Variants in FARSB observed in about 807,000 individuals in gnomAD.
The protein encoded by FARSB is phenylalanine--tRNA ligase beta subunit.
A neutral mutation model predicts 69.6 loss-of-function variants in FARSB; 40 were observed. The observed-to-expected ratio is 0.57, with a 90% CI of 0.45 to 0.75. FARSB has a LOEUF of 0.75. FARSB is among the 30% of genes least tolerant of loss of function. The pLI is 0.00. For missense variants in FARSB, 632 were observed against 722.9 expected (o/e 0.87, Z 1.44); for synonymous variants, 235 against 247.2 (o/e 0.95, Z 0.46).
intron 16 of FARSB, among the ~76,000 whole-genome samples, chr2:222,584,954 G>A (rs1332735098): frequency 1.3e-5 from 2 of 152,248 alleles, no homozygotes; most frequent in Admixed American, 6.5e-5. Context: ...AACTTCTGCA[G>A]ACTTAAACTT....
At chr2:222,647,202 A>G (rs1469068863) in intron 2 of FARSB, among the ~76,000 whole-genome samples, 1 of 152,212 alleles carries the variant, frequency 6.6e-6, no homozygotes, top group African/African-American at 2.4e-5. Flanking sequence ...GGACATAATG[A>G]TGCAGGAGAG....
At chr2:222,628,785 A>G in intron 10 of FARSB, 52 bp downstream of exon 10, 2 of 1,240,136 alleles carry the variant, frequency 1.6e-6, no homozygotes, top group South Asian at 2.5e-5. Context: ...CTCTATAGCC[A>G]TTATTATTAG....
At chr2:222,598,944 A>T (rs1038733391) in intron 16 of FARSB, among the ~76,000 whole-genome samples, 3 of 70,526 alleles carry the variant, frequency 4.3e-5, no homozygotes, top group Admixed American at 1.4e-4. Context: ...ATTTATTTAA[A>T]AAAAAAAAAA....
At chr2:222,645,704 T>C (rs1691835411) in intron 2 of FARSB, among the ~76,000 whole-genome samples, 1 of 152,034 alleles carries the variant, frequency 6.6e-6, no homozygotes, top group South Asian at 2.1e-4. Context: ...TTCAGTAATA[T>C]ATTTTTCAAG....
intron 13 of FARSB, among the ~76,000 whole-genome samples, chr2:222,622,219 G>A (rs1216146661): frequency 6.6e-5 from 10 of 152,176 alleles, no homozygotes; most frequent in African/African-American, 2.2e-4. Flanking sequence ...GTCAAGACTC[G>A]GCCTCTGTGC....
chr2:222,615,083 T>C (rs754314630), intron 14 of FARSB, among the ~76,000 whole-genome samples: 18 of 152,160 alleles, frequency 1.2e-4, no homozygotes, highest in Non-Finnish European at 2.6e-4. Context: ...AAGAAATGCA[T>C]ACCCTGGTAC....
At chr2:222,623,386 TC>T (rs1691188240) in intron 13 of FARSB, among the ~76,000 whole-genome samples, 1 of 152,194 alleles carries the variant, frequency 6.6e-6, no homozygotes, top group African/African-American at 2.4e-5. Context: ...CTCTCAACAC[TC>T]ACATGAAACT....
chr2:222,611,300 GT>G (rs1249678161), intron 15 of FARSB, among the ~76,000 whole-genome samples: 18 of 152,106 alleles, frequency 1.2e-4, no homozygotes, highest in African/African-American at 4.3e-4. Context: ...TATAGAAGAG[GT>G]TTCCTACAGA....
rs181545358 is a variant in FARSB at position 222,573,839 on chromosome 2, G to A, written c.1619-1817C>T. On this transcript the variant is annotated intron_variant, in intron 16 of 16. Coordinates refer to ENST00000281828, the MANE Select transcript of FARSB (RefSeq NM_005687.5). Reference sequence around the variant, plus strand: ...TTTTATCTTATTAATAGATTCAACGGGTACGTGTTCAAGTTTGTTACCTGG... The same window carrying A: ...TTTTATCTTATTAATAGATTCAACGAGTACGTGTTCAAGTTTGTTACCTGG... Among the ~76,000 whole-genome samples, 380 of 152,212 alleles carry A rather than the reference G, an allele frequency of 2.5e-3. 2 individuals carry two copies. Among genetic ancestry groups the A allele is most frequent in the Middle Eastern group, 0.017 (5 of 292 alleles).
At chr2:222,619,779 T>C (rs766692912) in intron 13 of FARSB, 42 bp from the exon 14 acceptor site, 3 of 1,081,024 alleles carry the variant, frequency 2.8e-6, no homozygotes, top group Non-Finnish European at 4.3e-6. Context: ...GAAAAGCAAT[T>C]ACTTAAGTTT....
chr2:222,636,900 C>A (rs891846011), intron 5 of FARSB, among the ~76,000 whole-genome samples: 11 of 152,164 alleles, frequency 7.2e-5, no homozygotes, highest in Admixed American at 2.6e-4. Flanking sequence ...TTACTCCAGA[C>A]AAAACTAGTC....
intron 16 of FARSB, among the ~76,000 whole-genome samples, chr2:222,577,051 T>C (rs1689856732): frequency 1.3e-5 from 2 of 152,086 alleles, no homozygotes; most frequent in African/African-American, 4.8e-5. Flanking sequence ...GGGAAAACGG[T>C]ACAATGTAGG....
intron 16 of FARSB, among the ~76,000 whole-genome samples, chr2:222,579,697 G>T (rs1335064151): frequency 6.6e-6 from 1 of 152,032 alleles, no homozygotes; most frequent in Non-Finnish European, 1.5e-5. Flanking sequence ...CTTAATATAT[G>T]AAAAAAATAG....
intron 15 of FARSB, among the ~76,000 whole-genome samples, chr2:222,604,229 A>G (rs1299156431): frequency 6.6e-6 from 1 of 152,126 alleles, no homozygotes; most frequent in Non-Finnish European, 1.5e-5. Context: ...AAAAAAAAAA[A>G]AAAAAGATAT....
intron 16 of FARSB, among the ~76,000 whole-genome samples, chr2:222,574,641 A>C (rs1414059217): frequency 6.6e-6 from 1 of 152,230 alleles, no homozygotes; most frequent in Non-Finnish European, 1.5e-5. Flanking sequence ...CCCACATGTA[A>C]AAATGAAGCC....
At chr2:222,586,834 C>T (rs964933740) in intron 16 of FARSB, among the ~76,000 whole-genome samples, 1 of 152,168 alleles carries the variant, frequency 6.6e-6, no homozygotes, top group Non-Finnish European at 1.5e-5. Context: ...GCACCCAATA[C>T]AGGAGCACCC....
intron 13 of FARSB, among the ~76,000 whole-genome samples, 156 bp downstream of exon 13, chr2:222,623,494 A>G (rs1369984218): frequency 6.6e-6 from 1 of 152,192 alleles, no homozygotes; most frequent in Non-Finnish European, 1.5e-5. Context: ...TTACTTTACC[A>G]GGAATTGTAT....
intron 16 of FARSB, among the ~76,000 whole-genome samples, chr2:222,596,078 T>C (rs1386864664): frequency 6.6e-6 from 1 of 152,182 alleles, no homozygotes; most frequent in Non-Finnish European, 1.5e-5. Context: ...TGTCATCAAC[T>C]TGACATTCTA....
chr2:222,613,781 C>T, intron 15 of FARSB, 30 bp downstream of exon 15: 2 of 1,318,910 alleles, frequency 1.5e-6, no homozygotes, highest in Non-Finnish European at 2.2e-6. Flanking sequence ...TTTAAATACA[C>T]AAATCAAATC....
Sources: allele counts gnomAD v4.1 joint callset (sites outside exome capture counted in the v4.1 genomes callset), GRCh38; gene constraint gnomAD v4.1.1; transcripts MANE v1.5; gene names NCBI Gene and HGNC (gene_info 2026-07-23, HGNC 2026-07-21).